Variants in PTPRD observed in about 807,000 individuals in gnomAD.
PTPRD encodes protein tyrosine phosphatase receptor type D, also known as receptor-type tyrosine-protein phosphatase delta.
In PTPRD, 34 loss-of-function variants were observed where a neutral mutation model predicts 214.5. The observed-to-expected ratio is 0.16, with a 90% CI of 0.12 to 0.21. The LOEUF (loss-of-function observed/expected upper bound fraction) is 0.21, where lower values mean the gene tolerates loss of function less well. Among genes scored for constraint, PTPRD ranks in the 10% least tolerant of loss-of-function variants. PTPRD has a pLI of 1.00. For synonymous variants in PTPRD, 1,128 were observed against 845.7 expected (o/e 1.33, Z -5.79); for missense variants, 2,545 against 2,398.7 (o/e 1.06, Z -1.27).
At chr9:9,602,616 A>G (rs2093857907) in intron 7 of PTPRD, among the ~76,000 whole-genome samples, 1 of 152,120 alleles carries the variant, frequency 6.6e-6, no homozygotes, top group Non-Finnish European at 1.5e-5. Flanking sequence ...TTTTTAAATA[A>G]TACGTACCTA....
chr9:8,825,471 C>T (rs184726298), intron 11 of PTPRD, among the ~76,000 whole-genome samples: 4 of 152,170 alleles, frequency 2.6e-5, no homozygotes, highest in Admixed American at 2.0e-4. Context: ...AATAAATATG[C>T]TCTAAATTTT....
chr9:9,318,993 T>C (rs1484769145), intron 9 of PTPRD, among the ~76,000 whole-genome samples: 3 of 152,182 alleles, frequency 2.0e-5, no homozygotes, highest in Non-Finnish European at 4.4e-5. Context: ...TCCTCTATCA[T>C]TATAAGAAAC....
chr9:10,096,136 G>A (rs192199563), intron 3 of PTPRD, among the ~76,000 whole-genome samples: 13 of 151,698 alleles, frequency 8.6e-5, no homozygotes, highest in Admixed American at 5.9e-4. Flanking sequence ...AACAATGGAG[G>A]AAATATCATA....
At chr9:9,462,900 A>G (rs2093789585) in intron 8 of PTPRD, among the ~76,000 whole-genome samples, 1 of 152,158 alleles carries the variant, frequency 6.6e-6, no homozygotes, top group South Asian at 2.1e-4. Flanking sequence ...ACCCACAAAA[A>G]ATGAAAGAAT....
chr9:9,581,589 C>T (rs1263627544), intron 7 of PTPRD, among the ~76,000 whole-genome samples: 1 of 152,002 alleles, frequency 6.6e-6, no homozygotes, highest in Non-Finnish European at 1.5e-5. Context: ...TAATCAATGA[C>T]CATCTAAGTG....
At chr9:9,064,444 T>A (rs2154403427) in intron 10 of PTPRD, among the ~76,000 whole-genome samples, 1 of 152,292 alleles carries the variant, frequency 6.6e-6, no homozygotes, top group East Asian at 1.9e-4. Flanking sequence ...GTCATCTTGA[T>A]AACTGATTGT....
intron 11 of PTPRD, among the ~76,000 whole-genome samples, chr9:8,824,382 T>C (rs2097135612): frequency 1.3e-5 from 2 of 152,198 alleles, no homozygotes; most frequent in Non-Finnish European, 2.9e-5. Flanking sequence ...GGGGCGATGA[T>C]ATTTTGGCCT....
chr9:9,254,921 A>G (rs2099977080), intron 9 of PTPRD, among the ~76,000 whole-genome samples: 1 of 152,074 alleles, frequency 6.6e-6, no homozygotes, highest in Non-Finnish European at 1.5e-5. Flanking sequence ...GTGATTTACT[A>G]CAGTTTTATA....
chr9:9,503,005 C>T (rs139425401), intron 8 of PTPRD, among the ~76,000 whole-genome samples: 1 of 151,858 alleles, frequency 6.6e-6, no homozygotes, highest in East Asian at 1.9e-4. Context: ...GCAGACTACA[C>T]AGGTTAATAT....
intron 3 of PTPRD, among the ~76,000 whole-genome samples, chr9:10,081,286 C>T (rs2098232715): frequency 6.6e-6 from 1 of 151,906 alleles, no homozygotes; most frequent in Non-Finnish European, 1.5e-5. Flanking sequence ...TAATTAGTTA[C>T]CTAGATATTG....
At chr9:10,049,666 A>T (rs186113424) in intron 3 of PTPRD, among the ~76,000 whole-genome samples, 2 of 152,346 alleles carry the variant, frequency 1.3e-5, no homozygotes, top group African/African-American at 4.8e-5. Flanking sequence ...TCTGCAGTTT[A>T]TAAGAATCTT....
chr9:9,813,591 A>G (rs1322260807), intron 5 of PTPRD, among the ~76,000 whole-genome samples: 5 of 152,092 alleles, frequency 3.3e-5, no homozygotes, highest in Admixed American at 2.0e-4. Context: ...ATATAAATAG[A>G]CTAATAATGA....
intron 9 of PTPRD, among the ~76,000 whole-genome samples, chr9:9,301,801 C>G (rs1424155586): frequency 6.6e-6 from 1 of 151,848 alleles, no homozygotes; most frequent in Non-Finnish European, 1.5e-5. Context: ...CCTAAAAACT[C>G]TATGCATTCA....
Position 8,332,084 on chromosome 9 carries a change from G to A in PTPRD, c.5380-348C>T, listed in dbSNP as rs141043238. Among the ~76,000 whole-genome samples, 533 of 152,116 alleles carry A rather than the reference G, an allele frequency of 3.5e-3. 4 individuals carry two copies. The highest frequency in any genetic ancestry group is 0.012 in the African/African-American group (495 of 41,470). ...GGGTTCGTAACCATTCATCATGTCT[G>A]CATTCCTTCCAAAATGGAACATATA... On this transcript the variant is annotated intron_variant, in intron 43 of 45. Transcript: ENST00000381196.
At chr9:9,580,441 C>A (rs532711265) in intron 7 of PTPRD, among the ~76,000 whole-genome samples, 19 of 151,794 alleles carry the variant, frequency 1.3e-4, no homozygotes, top group South Asian at 1.0e-3. Flanking sequence ...TAACTTTAAT[C>A]ATTTTCTGAT....
chr9:8,414,359 A>G (rs1024030292), intron 35 of PTPRD, among the ~76,000 whole-genome samples: 15 of 152,228 alleles, frequency 9.9e-5, no homozygotes, highest in African/African-American at 3.6e-4. Context: ...ATATGTACTT[A>G]ATATTTGGAA....
At chr9:9,625,438 G>A (rs1241023825) in intron 7 of PTPRD, among the ~76,000 whole-genome samples, 1 of 152,150 alleles carries the variant, frequency 6.6e-6, no homozygotes, top group Non-Finnish European at 1.5e-5. Flanking sequence ...CAGCGTCTGG[G>A]AGCTTCTGTC....
At chr9:8,482,685 T>G (rs563358079) in intron 30 of PTPRD, among the ~76,000 whole-genome samples, 52 of 152,204 alleles carry the variant, frequency 3.4e-4, no homozygotes, top group Non-Finnish European at 6.0e-4. Flanking sequence ...CTGTAATGGG[T>G]TGCCATTGTC....
intron 4 of PTPRD, among the ~76,000 whole-genome samples, chr9:10,018,776 C>T (rs2096781583): frequency 6.6e-6 from 1 of 151,490 alleles, no homozygotes; most frequent in Non-Finnish European, 1.5e-5. Context: ...GTCTCGATCT[C>T]CTGACCTCGT....
Sources: allele counts gnomAD v4.1 joint callset (sites outside exome capture counted in the v4.1 genomes callset), GRCh38; gene constraint gnomAD v4.1.1; transcripts MANE v1.5; gene names NCBI Gene and HGNC (gene_info 2026-07-23, HGNC 2026-07-21).